The following HTT variants were observed in gnomAD, a reference collection of about 807,000 sequenced individuals.
HTT encodes the protein huntington disease protein.
Under a neutral mutation model 362.3 loss-of-function variants are expected in HTT, and 104 were observed. That is an observed-to-expected ratio of 0.29 (90% CI 0.24 to 0.34). The LOEUF (loss-of-function observed/expected upper bound fraction) is 0.34, where lower values mean the gene tolerates loss of function less well. Ranked by LOEUF, HTT falls within the 10% of genes least tolerant of loss-of-function variation. HTT has a pLI of 1.00. For missense variants in HTT, 3,301 were observed against 3,928.6 expected (o/e 0.84, Z 4.27); for synonymous variants, 1,577 against 1,548.7 (o/e 1.02, Z -0.43).
chr4:3,230,193 C>CT, intron 60 of HTT, 151 bp downstream of exon 60: 1 of 643,934 alleles, frequency 1.6e-6, no homozygotes, highest in Non-Finnish European at 2.8e-6. Context: ...AGCTGCAGTG[C>CT]TTCTCAGATG....
At chr4:3,216,063 C>G (rs1325838911) in intron 51 of HTT, among the ~76,000 whole-genome samples, 3 of 152,212 alleles carry the variant, frequency 2.0e-5, no homozygotes, top group Non-Finnish European at 2.9e-5. Context: ...GCTCAGGAAA[C>G]ACGCCTTTTC....
intron 13 of HTT, 34 bp from the exon 14 acceptor site, chr4:3,130,271 T>A: frequency 7.7e-7 from 1 of 1,298,082 alleles, no homozygotes; most frequent in East Asian, 2.4e-5. Context: ...AAGTGGAAAT[T>A]TGTCACTTAA....
chr4:3,235,454 T>C, intron 62 of HTT, 56 bp downstream of exon 62: 2 of 1,510,222 alleles, frequency 1.3e-6, no homozygotes, highest in Non-Finnish European at 1.8e-6. Flanking sequence ...TCCCTTCTCT[T>C]TTCCTTGCAG....
In HTT at chr4:3,154,364, A is replaced by G; in HGVS notation, c.3570A>G (p.Pro1190=). The change falls in exon 27 of 67, where the codon CCA becomes CCG. Residue 1190 remains proline, a synonymous_variant. Coordinates refer to ENST00000355072, the MANE Select transcript of HTT (RefSeq NM_001388492.1). Reference sequence around the variant, plus strand: ...GACGAAAGGGGAAGGAGAAAGAACCAGGAGAACAAGCATCTGTACCGTTGA... The same window carrying G: ...GACGAAAGGGGAAGGAGAAAGAACCGGGAGAACAAGCATCTGTACCGTTGA... The part of the protein sequence containing the change: ...PIRRKGKEKE[P]GEQASVPLSP... The G allele has an allele frequency of 6.2e-7, 1 of 1,613,914 alleles. No homozygotes were observed. Among genetic ancestry groups the G allele is most frequent in the Non-Finnish European group, 8.5e-7 (1 of 1,179,892 alleles).
In HTT at chr4:3,166,082, C is replaced by CG. The variant is rs1319505372; in HGVS notation, c.3864+5692dup. Among the ~76,000 whole-genome samples, 4 of 152,274 alleles carry CG rather than the reference C, an allele frequency of 2.6e-5. No individual in the cohort carries two copies. In the South Asian group the frequency reaches 6.2e-4, roughly 24 times the overall value. On this transcript the variant is annotated intron_variant, in intron 29 of 66. Transcript: ENST00000355072. ...TTTGGTCTTTGATGTTGGTGACCTA[C>CG]GGATGGGGTTTTGGTGTGGGTGTCC...
chr4:3,189,059 A>C lies in HTT; in HGVS notation c.5334A>C (p.Thr1778=). Residue 1778 remains threonine (T), a synonymous_variant, in exon 40 of 67, where the codon ACA becomes ACC. Coordinates refer to ENST00000355072, the MANE Select transcript of HTT (RefSeq NM_001388492.1). The part of the protein sequence containing the change: ...QHTFYCQELG[T]LLMCLIHIFK... ...CTTTCTATTGCCAGGAACTAGGCAC[A>C]CTGCTAATGTGTCTGATCCACATCT... 3 of 1,614,146 alleles carry C rather than the reference A, an allele frequency of 1.9e-6. No homozygotes were observed. The highest frequency in any genetic ancestry group is 2.5e-6 in the Non-Finnish European group (3 of 1,179,964).
chr4:3,087,837 C>T (rs61348208), intron 2 of HTT, among the ~76,000 whole-genome samples: 59,952 of 151,966 alleles, frequency 0.39, 12,123 homozygotes, highest in East Asian at 0.43. Context: ...CTGACAAAAA[C>T]GTGTGGTGAT....
At chr4:3,229,676 C>T (rs1309384920) in intron 59 of HTT, among the ~76,000 whole-genome samples, 1 of 152,040 alleles carries the variant, frequency 6.6e-6, no homozygotes, top group Non-Finnish European at 1.5e-5. Flanking sequence ...CATGTACACA[C>T]CATACACACA....
intron 2 of HTT, among the ~76,000 whole-genome samples, chr4:3,096,508 C>G (rs185154722): frequency 6.6e-6 from 1 of 152,254 alleles, no homozygotes; most frequent in African/African-American, 2.4e-5. Flanking sequence ...TCAAATTATT[C>G]AGAGTATGTT....
At chr4:3,237,642 G>A (rs1465517444) in intron 64 of HTT, among the ~76,000 whole-genome samples, 2 of 152,156 alleles carry the variant, frequency 1.3e-5, no homozygotes, top group Non-Finnish European at 1.5e-5. Context: ...TCTTCAGAGC[G>A]GCTGCCATGC....
At position 3,145,185 on chromosome 4, in the gene HTT, A is replaced by T; in HGVS notation, c.3100A>T (p.Thr1034Ser). ...CTGTGAAGCTTTGTGTCTTCTTTCC[A>T]CTGCCTTCCCAGTTTGCATTTGGAG... Reference protein sequence around the residue: ...GCCEALCLLSTAFPVCIWSLG... With the variant: ...GCCEALCLLSSAFPVCIWSLG... The change falls in exon 24 of 67, where the codon ACT becomes TCT. Residue 1034 changes from threonine to serine, a missense_variant. By Grantham distance (58) the Thr-to-Ser change is moderately conservative. Coordinates refer to ENST00000355072, the MANE Select transcript of HTT (RefSeq NM_001388492.1). 1 of 1,613,856 alleles carries T rather than the reference A, an allele frequency of 6.2e-7. No homozygotes were observed. Among genetic ancestry groups the T allele is most frequent in the Non-Finnish European group, 8.5e-7 (1 of 1,179,850 alleles).
intron 40 of HTT, among the ~76,000 whole-genome samples, chr4:3,194,291 T>G (rs1408354872): frequency 6.6e-6 from 1 of 152,120 alleles, no homozygotes; most frequent in Non-Finnish European, 1.5e-5. Flanking sequence ...GAGAGGAGGG[T>G]ATTCATCCCA....
chr4:3,235,904 G>T, intron 63 of HTT, 126 bp downstream of exon 63: 1 of 818,222 alleles, frequency 1.2e-6, no homozygotes, highest in East Asian at 2.7e-5. Flanking sequence ...GCCCCAAGCC[G>T]GCCCCATCAC....
intron 1 of HTT, among the ~76,000 whole-genome samples, chr4:3,079,127 C>G (rs1049082846): frequency 7.2e-5 from 11 of 151,760 alleles, no homozygotes; most frequent in African/African-American, 2.7e-4. Flanking sequence ...AACTCCCGGC[C>G]TCATGTGATC....
At chr4:3,160,478 G>A in intron 29 of HTT, 86 bp downstream of exon 29, 1 of 922,678 alleles carries the variant, frequency 1.1e-6, no homozygotes, top group Non-Finnish European at 1.7e-6. Context: ...GATGGAGCCT[G>A]GTTCTCCAGG....
chr4:3,134,340 A>C, intron 18 of HTT, 61 bp from the exon 19 acceptor site: 1 of 1,498,850 alleles, frequency 6.7e-7, no homozygotes, highest in Non-Finnish European at 9.0e-7. Flanking sequence ...TCAAACCGTC[A>C]AGACGCGGGT....
At chr4:3,164,166 C>A (rs1717586300) in intron 29 of HTT, among the ~76,000 whole-genome samples, 1 of 152,032 alleles carries the variant, frequency 6.6e-6, no homozygotes, top group African/African-American at 2.4e-5. Flanking sequence ...TTTATTTCTG[C>A]CTTCATTTCG....
At chr4:3,189,577 T>G (rs1718920506) in intron 40 of HTT, among the ~76,000 whole-genome samples, 2 of 152,208 alleles carry the variant, frequency 1.3e-5, no homozygotes, top group South Asian at 4.1e-4. Context: ...GAGTAGTTAA[T>G]TCATAGATAT....
At chr4:3,153,066 A>G (rs1466167385) in intron 26 of HTT, among the ~76,000 whole-genome samples, 1 of 152,134 alleles carries the variant, frequency 6.6e-6, no homozygotes, top group Non-Finnish European at 1.5e-5. Context: ...ATGGGTTGCC[A>G]TAACAAAATA....
Sources: allele counts gnomAD v4.1 joint callset (sites outside exome capture counted in the v4.1 genomes callset), GRCh38; gene constraint gnomAD v4.1.1; transcripts MANE v1.5; gene names NCBI Gene and HGNC (gene_info 2026-07-23, HGNC 2026-07-21).